The following WWOX variants were observed in gnomAD, a reference collection of about 807,000 sequenced individuals.
The protein encoded by WWOX is WW domain-containing oxidoreductase.
WWOX carries 69 observed loss-of-function variants against 46.2 expected under a neutral mutation model. The ratio of observed to expected loss-of-function variants is 1.49; its 90% CI spans 1.23 to 1.82. The LOEUF (loss-of-function observed/expected upper bound fraction) is 1.82, where lower values mean the gene tolerates loss of function less well. Among genes scored for constraint, WWOX ranks in the 40% most tolerant of loss-of-function variants. The probability of loss-of-function intolerance (pLI) is 0.00; values close to 1 mark genes in which losing one functional copy is unlikely to be tolerated. For synonymous variants in WWOX, 359 were observed against 202.6 expected (o/e 1.77, Z -6.56); for missense variants, 919 against 542.6 (o/e 1.69, Z -6.89).
rs916738092 is a variant in WWOX at position 79,090,301 on chromosome 16, G to A, written c.1057-121307G>A. Among the ~76,000 whole-genome samples, 39 of 151,620 alleles carry A rather than the reference G, an allele frequency of 2.6e-4. 1 individual carries two copies. Among genetic ancestry groups the A allele is most frequent in the South Asian group, 1.3e-3 (6 of 4,794 alleles). ...TGTGCGTGTGTGTGTGTGTGTGTGTGTGTGTGTGTGTGTGTGTGATATAAT... is the reference window on the plus strand; with the variant it reads ...TGTGCGTGTGTGTGTGTGTGTGTGTATGTGTGTGTGTGTGTGTGATATAAT... On this transcript the variant is annotated intron_variant, in intron 8 of 8. Transcript: ENST00000566780.
chr16:78,197,833 A>G (rs1006991115), intron 5 of WWOX, among the ~76,000 whole-genome samples: 3 of 152,162 alleles, frequency 2.0e-5, no homozygotes, highest in Non-Finnish European at 4.4e-5. Flanking sequence ...CGCTGCTGAT[A>G]CCTTGGCAGA....
At chr16:78,625,652 C>A (rs2046294294) in intron 8 of WWOX, among the ~76,000 whole-genome samples, 2 of 151,178 alleles carry the variant, frequency 1.3e-5, no homozygotes, top group African/African-American at 4.9e-5. Context: ...GTGGTTTTTG[C>A]CATTAAAAGT....
chr16:78,113,952 T>C (rs963263810), intron 3 of WWOX, among the ~76,000 whole-genome samples: 6 of 148,586 alleles, frequency 4.0e-5, no homozygotes, highest in East Asian at 3.9e-4. Context: ...TTTTAAAATA[T>C]GAAATTTCAT....
In WWOX at chr16:78,682,289, T is replaced by C. The variant is rs555585701; in HGVS notation, c.1056+249537T>C. Among the ~76,000 whole-genome samples, 126 of 152,362 alleles carry C rather than the reference T, an allele frequency of 8.3e-4. 1 individual carries two copies. The highest frequency in any genetic ancestry group is 2.8e-3 in the African/African-American group (118 of 41,594). On this transcript the variant is annotated intron_variant, in intron 8 of 8. Transcript: ENST00000566780. Reference sequence around the variant, plus strand: ...ATTTAAACTAGTAAACTTAATAGTTTAAAATACTTGGTAGTTTAATAGTTT... The same window carrying C: ...ATTTAAACTAGTAAACTTAATAGTTCAAAATACTTGGTAGTTTAATAGTTT...
intron 5 of WWOX, among the ~76,000 whole-genome samples, chr16:78,316,751 G>A (rs541813194): frequency 7.0e-4 from 106 of 152,264 alleles, no homozygotes; most frequent in African/African-American, 2.3e-3. Flanking sequence ...GGAAAATGGT[G>A]ATGGTAAAGT....
chr16:78,553,624 A>G lies in WWOX; in HGVS notation c.1056+120872A>G, dbSNP rs74029551. 4.1e-3 allele frequency among the ~76,000 whole-genome samples: 626 copies of G among 152,284 alleles called. 4 individuals carry two copies. Among genetic ancestry groups the G allele is most frequent in the African/African-American group, 0.014 (599 of 41,558 alleles). On this transcript the variant is annotated intron_variant, in intron 8 of 8. Coordinates refer to ENST00000566780, the MANE Select transcript of WWOX (RefSeq NM_016373.4). ...TTTTAGGCAATAATAAGTGAGCAGT[A>G]TGGCGCCCTAATAGAAGGAGGGATG...
At chr16:79,081,972 A>T (rs909148472) in intron 8 of WWOX, among the ~76,000 whole-genome samples, 1 of 152,184 alleles carries the variant, frequency 6.6e-6, no homozygotes, top group African/African-American at 2.4e-5. Context: ...TTGATATCAG[A>T]TTCATACGCC....
rs1303691963 is a variant in WWOX at position 78,419,242 on chromosome 16, C to T, written c.606-5628C>T. 4.6e-5 allele frequency among the ~76,000 whole-genome samples: 7 copies of T among 152,202 alleles called. No homozygotes were observed. In the East Asian group the frequency reaches 1.4e-3, roughly 29 times the overall value. ...AAATTGTGTACAAATTTAGTGCAAT[C>T]TCTATTAAAATTTCAGTTGACTTTT... On this transcript the variant is annotated intron_variant, in intron 6 of 8. Transcript: ENST00000566780.
At chr16:78,876,031 G>A (rs187214983) in intron 8 of WWOX, among the ~76,000 whole-genome samples, 1 of 151,930 alleles carries the variant, frequency 6.6e-6, no homozygotes, top group African/African-American at 2.4e-5. Context: ...TTATAAACAG[G>A]CTCCATGGTA....
rs999357550 is a variant in WWOX at position 79,016,327 on chromosome 16, G to C, written c.1057-195281G>C. ...AGATGCGGTGATGCTGTCACAGTTG[G>C]GTGGTTGCTCCTCCTGCAGTCTTCT... On this transcript the variant is annotated intron_variant, in intron 8 of 8. Transcript: ENST00000566780. 5.9e-5 allele frequency: 9 copies of C among 152,320 alleles called. No individual in the cohort carries two copies. The East Asian group carries it at 1.5e-3, about 26-fold the overall frequency. The allele number at this position is 152,320 out of a possible 1,614,324, so 9.4% of individuals were successfully genotyped here.
rs1485008584 is a variant in WWOX at position 79,211,687 on chromosome 16, G to C, written c.1136G>C (p.Cys379Ser). The change falls in exon 9 of 9, where the codon TGC becomes TCC. Residue 379 changes from cysteine to serine, a missense_variant. Transcript: ENST00000566780. ...EGLGGMYFNN[C>S]CRCMPSPEAQ... is the part of the protein sequence containing the mutation. ...CTGGGAGGGATGTACTTCAACAACT[G>C]CTGCCGCTGCATGCCCTCACCAGAA... 1.9e-6 allele frequency: 3 copies of C among 1,614,210 alleles called. No homozygotes were observed. Among genetic ancestry groups the C allele is most frequent in the South Asian group, 2.2e-5 (2 of 91,090 alleles).
chr16:78,454,270 G>T (rs12051240), intron 8 of WWOX, among the ~76,000 whole-genome samples: 18,231 of 151,924 alleles, frequency 0.12, 1,709 homozygotes, highest in African/African-American at 0.25. Flanking sequence ...GTTCTATGTT[G>T]CTCTAAAACA....
At chr16:78,951,415 G>A (rs568354475) in intron 8 of WWOX, among the ~76,000 whole-genome samples, 20 of 152,202 alleles carry the variant, frequency 1.3e-4, no homozygotes, top group South Asian at 2.1e-4. Flanking sequence ...GCCAATCACC[G>A]TCTTTCTGTC....
intron 8 of WWOX, among the ~76,000 whole-genome samples, chr16:78,517,839 T>G (rs928103374): frequency 1.4e-5 from 2 of 145,572 alleles, no homozygotes; most frequent in Non-Finnish European, 1.5e-5. Context: ...AAAAAAAGAA[T>G]GATGTTACAC....
intron 8 of WWOX, among the ~76,000 whole-genome samples, chr16:78,944,438 G>T (rs561187340): frequency 6.6e-6 from 1 of 152,092 alleles, no homozygotes; most frequent in Non-Finnish European, 1.5e-5. Flanking sequence ...CAGGTGATGG[G>T]GGCAAATATC....
At chr16:78,463,319 T>A (rs1245194380) in intron 8 of WWOX, among the ~76,000 whole-genome samples, 1 of 152,116 alleles carries the variant, frequency 6.6e-6, no homozygotes, top group African/African-American at 2.4e-5. Context: ...ATAGAAGAAA[T>A]TCTTACCCGA....
chr16:78,582,447 T>C (rs575214797), intron 8 of WWOX, among the ~76,000 whole-genome samples: 1 of 152,242 alleles, frequency 6.6e-6, no homozygotes, highest in Non-Finnish European at 1.5e-5. Flanking sequence ...AAAATTATAT[T>C]TTTTATATGA....
rs577810891 is a variant in WWOX, at chr16:79,005,911, C to T, written c.1057-205697C>T. Reference sequence around the variant, plus strand: ...GGTGAAGTTGCATGAGAACAGAAGGCAGCCCTGGTCCCTGGGAGAAACCCA... The same window carrying T: ...GGTGAAGTTGCATGAGAACAGAAGGTAGCCCTGGTCCCTGGGAGAAACCCA... On this transcript the variant is annotated intron_variant, in intron 8 of 8. Coordinates refer to ENST00000566780, the MANE Select transcript of WWOX (RefSeq NM_016373.4). Among the ~76,000 whole-genome samples, 266 of 152,290 alleles carry T rather than the reference C, an allele frequency of 1.7e-3. 2 individuals are homozygous for T. The highest frequency in any genetic ancestry group is 0.013 in the East Asian group (69 of 5,182).
chr16:79,021,588 G>T (rs1055568926), intron 8 of WWOX, among the ~76,000 whole-genome samples: 1 of 152,140 alleles, frequency 6.6e-6, no homozygotes, highest in African/African-American at 2.4e-5. Flanking sequence ...GGGTGAAAAC[G>T]ATGTTTGGAA....
Sources: gnomAD v4.1 joint callset for allele counts (sites outside exome capture counted in the v4.1 genomes callset) on GRCh38, gnomAD v4.1.1 for gene constraint, MANE v1.5 for transcripts, NCBI Gene and HGNC (gene_info 2026-07-23, HGNC 2026-07-21) for gene names.